LUZP4: variants seen among roughly 807,000 people sequenced by gnomAD.
The protein encoded by LUZP4 is leucine zipper protein 4.
A neutral mutation model predicts 8.5 loss-of-function variants in LUZP4; 11 were observed. That is an observed-to-expected ratio of 1.30 (90% CI 0.82 to 2.14). The LOEUF is 2.14. Ranked by LOEUF, LUZP4 falls within the 30% of genes most tolerant of loss-of-function variation. The probability of loss-of-function intolerance (pLI) is 0.00; values close to 1 mark genes in which losing one functional copy is unlikely to be tolerated. For synonymous variants in LUZP4, 104 were observed against 79.4 expected (o/e 1.31, Z -1.65); for missense variants, 276 against 229.7 (o/e 1.20, Z -1.30).
At chrX:115,290,722 G>A (rs1556596370) in intron 1 of LUZP4, among the ~76,000 whole-genome samples, 2 of 110,837 alleles carry the variant, frequency 1.8e-5, no homozygotes, top group South Asian at 7.7e-4. Flanking sequence ...ATCAGAGCAC[G>A]GAAGAAGGAA....
chrX:115,293,682 G>T (rs1353025931), intron 1 of LUZP4, among the ~76,000 whole-genome samples: 4 of 110,986 alleles, frequency 3.6e-5, no homozygotes, highest in African/African-American at 1.3e-4. Flanking sequence ...CGGGCGTGGT[G>T]GCTCACACCT....
At chrX:115,291,588 A>G (rs2073349240) in intron 1 of LUZP4, among the ~76,000 whole-genome samples, 1 of 110,991 alleles carries the variant, frequency 9.0e-6, no homozygotes, top group African/African-American at 3.3e-5. Context: ...GCTGAACTTT[A>G]AAAGGGGCAG....
rs186912769 is a variant in LUZP4, at chrX:115,307,117, C to T, written c.*313C>T. On this transcript the variant is annotated 3_prime_UTR_variant, in exon 4 of 4. Transcript: ENST00000371920. ...GACTTAGTGTCCTGTCCCCCTTGGA[C>T]GTTCCAACTTGACTTAGTGTCCAGT... is the stretch of plus-strand genomic sequence containing the variant. The T allele has an allele frequency of 1.5e-3, 393 of 254,282 alleles. No homozygotes were observed. Among genetic ancestry groups the T allele is most frequent in the African/African-American group, 0.01 (372 of 36,660 alleles). 21.0% of individuals were successfully genotyped at this position (254,282 alleles called of 1,213,427 possible).
At chrX:115,291,421 G>C (rs918072861) in intron 1 of LUZP4, among the ~76,000 whole-genome samples, 1 of 111,327 alleles carries the variant, frequency 9.0e-6, no homozygotes, top group African/African-American at 3.3e-5. Context: ...AGAAATGAGA[G>C]GGGGAGAGGC....
intron 1 of LUZP4, among the ~76,000 whole-genome samples, chrX:115,293,479 A>G (rs962599385): frequency 9.1e-6 from 1 of 109,797 alleles, no homozygotes; most frequent in Non-Finnish European, 1.9e-5. Flanking sequence ...GGTTCTCACT[A>G]TATTGCCTAG....
At chrX:115,302,158 A>G in intron 2 of LUZP4, 35 bp downstream of exon 2, 1 of 1,093,238 alleles carries the variant, frequency 9.1e-7, no homozygotes. Flanking sequence ...ACGTGGTAAA[A>G]AGAGTCTGAA....
intron 1 of LUZP4, among the ~76,000 whole-genome samples, chrX:115,297,980 A>G (rs1427169431): frequency 9.3e-6 from 1 of 107,889 alleles, no homozygotes; most frequent in Non-Finnish European, 1.9e-5. Flanking sequence ...TGCTCAGCTA[A>G]TTTTTGTATT....
chrX:115,292,632 T>G (rs1313827745), intron 1 of LUZP4, among the ~76,000 whole-genome samples: 1 of 110,320 alleles, frequency 9.1e-6, no homozygotes, highest in Non-Finnish European at 1.9e-5. Context: ...GACTAATTGC[T>G]CTGGATGGAA....
chrX:115,306,277 T>C lies in LUZP4; in HGVS notation c.415T>C (p.Ser139Pro). 1 of 1,210,878 alleles carries C rather than the reference T, an allele frequency of 8.3e-7. No homozygotes were observed. The highest frequency in any genetic ancestry group is 1.1e-6 in the Non-Finnish European group (1 of 895,229). ...CCAGTCAGAGGGGAACCAGCATCAA[T>C]CAGAAGGAAATCCGGACAAATCAGA... is the stretch of plus-strand genomic sequence containing the variant. ...QGQSEGNQHQ[S>P]EGNPDKSEES... is the part of the protein sequence containing the mutation. The change falls in exon 4 of 4, where the codon TCA becomes CCA. Residue 139 changes from serine to proline, a missense_variant. Transcript: ENST00000371920.
intron 3 of LUZP4, among the ~76,000 whole-genome samples, chrX:115,305,493 G>C (rs1280757878): frequency 8.9e-6 from 1 of 112,107 alleles, no homozygotes; most frequent in African/African-American, 3.2e-5. Context: ...GCATATACTA[G>C]TAGAAAGCTT....
At chrX:115,293,940 G>C (rs1001989861) in intron 1 of LUZP4, among the ~76,000 whole-genome samples, 7 of 106,258 alleles carry the variant, frequency 6.6e-5, no homozygotes, top group African/African-American at 2.4e-4. Context: ...GATGGAACTA[G>C]ACTCCGTCTC....
Position 115,289,942 on chromosome X carries a change from G to C in LUZP4, c.91+92G>C. On this transcript the variant is annotated intron_variant, in intron 1 of 3. Coordinates refer to ENST00000371920, the MANE Select transcript of LUZP4 (RefSeq NM_016383.5). ...CATAGCGCTTACTAGAAGTGGCGTC[G>C]GGAGGAACACACCAGTTCGAGGAGA... The C allele has an allele frequency of 6.7e-6, 4 of 599,880 alleles. No individual in the cohort carries two copies. The South Asian group carries it at 7.7e-5, about 11-fold the overall frequency. 49.4% of individuals were successfully genotyped at this position (599,880 alleles called of 1,213,427 possible).
At chrX:115,294,486 G>A (rs1202121314) in intron 1 of LUZP4, among the ~76,000 whole-genome samples, 1 of 111,524 alleles carries the variant, frequency 9.0e-6, no homozygotes, top group Non-Finnish European at 1.9e-5. Flanking sequence ...TGCTATATGT[G>A]CCCCGGAAAG....
At position 115,289,753 on chromosome X, in the gene LUZP4, A is replaced by C. The variant is rs1420113183; in HGVS notation, c.-7A>C. 2 of 1,194,407 alleles carry C rather than the reference A, an allele frequency of 1.7e-6. No individual in the cohort carries two copies. The highest frequency in any genetic ancestry group is 1.8e-5 in the African/African-American group (1 of 56,778). On this transcript the variant is annotated 5_prime_UTR_variant, in exon 1 of 4. Coordinates refer to ENST00000371920, the MANE Select transcript of LUZP4 (RefSeq NM_016383.5). ...CTCGGAGTGTGTGGCGCCATGATGC[A>C]GGGAAGATGGCTTCGTTTCGGAAGC...
chrX:115,295,498 G>A (rs1369949588), intron 1 of LUZP4, among the ~76,000 whole-genome samples: 2 of 111,918 alleles, frequency 1.8e-5, no homozygotes, highest in Non-Finnish European at 3.8e-5. Context: ...GTTTTTCTCA[G>A]TGAAAATAAT....
chrX:115,301,390 C>T (rs2073396738), intron 1 of LUZP4, among the ~76,000 whole-genome samples: 1 of 111,920 alleles, frequency 8.9e-6, no homozygotes, highest in South Asian at 3.7e-4. Context: ...TGCCTGAGTA[C>T]GTAAATATGT....
rs146766585 is a variant in LUZP4 at position 115,297,238 on chromosome X, A to G, written c.92-4754A>G. On this transcript the variant is annotated intron_variant, in intron 1 of 3. Coordinates refer to ENST00000371920, the MANE Select transcript of LUZP4 (RefSeq NM_016383.5). ...TACCTATGTATTGAAAAGTTGTTGT[A>G]GTTATTTTTTATTGGTTCATCGTTT... 7.5e-4 allele frequency among the ~76,000 whole-genome samples: 84 copies of G among 111,941 alleles called. 1 individual carries two copies. The East Asian group carries it at 0.022, about 30-fold the overall frequency.
chrX:115,304,280 T>TA (rs2073410668), intron 3 of LUZP4, among the ~76,000 whole-genome samples: 1 of 111,456 alleles, frequency 9.0e-6, no homozygotes, highest in African/African-American at 3.3e-5. Context: ...AGTATGTGCT[T>TA]AATAGGACAT....
At chrX:115,300,392 T>TA (rs1330245327) in intron 1 of LUZP4, among the ~76,000 whole-genome samples, 2 of 112,077 alleles carry the variant, frequency 1.8e-5, no homozygotes, top group African/African-American at 6.5e-5. Flanking sequence ...GCTGATGAGC[T>TA]AAAAAAAATT....
Sources: allele counts gnomAD v4.1 joint callset (sites outside exome capture counted in the v4.1 genomes callset), GRCh38; gene constraint gnomAD v4.1.1; transcripts MANE v1.5; gene names NCBI Gene and HGNC (gene_info 2026-07-23, HGNC 2026-07-21).